CALN1: variants seen among roughly 807,000 people sequenced by gnomAD.
The protein encoded by CALN1 is calcium-binding protein 8.
In CALN1, 17 loss-of-function variants were observed where a neutral mutation model predicts 30.6. That is an observed-to-expected ratio of 0.56 (90% CI 0.38 to 0.83). The LOEUF (loss-of-function observed/expected upper bound fraction) is 0.83. Ranked by LOEUF, CALN1 falls within the 40% of genes least tolerant of loss-of-function variation. CALN1 has a pLI of 0.00. For synonymous variants in CALN1, 156 were observed against 131.4 expected (o/e 1.19, Z -1.28); for missense variants, 291 against 354.9 (o/e 0.82, Z 1.45).
intron 4 of CALN1, among the ~76,000 whole-genome samples, chr7:72,079,108 A>AC (rs1804946247): frequency 6.6e-6 from 1 of 152,176 alleles, no homozygotes; most frequent in African/African-American, 2.4e-5. Context: ...CTAATAGAGA[A>AC]CCAAGCTCAG....
chr7:71,810,896 C>CT (rs71092916), intron 5 of CALN1, among the ~76,000 whole-genome samples: 2,464 of 139,140 alleles, frequency 0.018, 101 homozygotes, highest in African/African-American at 0.053. Flanking sequence ...AAGCATGTAT[C>CT]TTTTTTTTTT....
At chr7:71,974,155 C>T (rs1044010032) in intron 5 of CALN1, among the ~76,000 whole-genome samples, 5 of 152,032 alleles carry the variant, frequency 3.3e-5, no homozygotes, top group Non-Finnish European at 7.4e-5. Context: ...TGGTGGTTCA[C>T]GCCTGTAATC....
At position 71,939,388 on chromosome 7, in the gene CALN1, C is replaced by A. The variant is rs144167009; in HGVS notation, c.501+84269G>T. The stretch of plus-strand genomic sequence containing the variant: ...GCCTGGGCAACATGGTGAAACCCCA[C>A]CTCTACTAAAAATACAAAAAAAAAA... On this transcript the variant is annotated intron_variant, in intron 5 of 6. Transcript: ENST00000395275. 2.6e-4 allele frequency among the ~76,000 whole-genome samples: 35 copies of A among 136,292 alleles called. No individual in the cohort carries two copies. The East Asian group carries it at 7.5e-3, about 29-fold the overall frequency. The allele number at this position is 136,292 out of a possible 152,430, so 89.4% of individuals were successfully genotyped here. A position where few individuals can be genotyped will look rare whatever the true frequency, so the allele number is the denominator to read the frequency against.
chr7:72,127,787 GTAAC>G (rs138459003), intron 3 of CALN1, among the ~76,000 whole-genome samples: 1,826 of 152,288 alleles, frequency 0.012, 33 homozygotes, highest in African/African-American at 0.041. Context: ...CAATTGAACA[GTAAC>G]TAATAACAGC....
chr7:72,024,477 C>T (rs1238478485), intron 4 of CALN1, among the ~76,000 whole-genome samples: 1 of 152,198 alleles, frequency 6.6e-6, no homozygotes, highest in Non-Finnish European at 1.5e-5. Context: ...CGGCTCACTG[C>T]AACCTCTGCC....
chr7:72,065,859 C>T (rs1803985531), intron 4 of CALN1, among the ~76,000 whole-genome samples: 1 of 152,198 alleles, frequency 6.6e-6, no homozygotes, highest in South Asian at 2.1e-4. Flanking sequence ...CACCATTGCA[C>T]TCCAGCCTGG....
chr7:72,344,669 T>C (rs1268336927), intron 2 of CALN1, among the ~76,000 whole-genome samples: 1 of 147,052 alleles, frequency 6.8e-6, no homozygotes, highest in Non-Finnish European at 1.5e-5. Flanking sequence ...TAAATATATA[T>C]TTTATTTATG....
intron 2 of CALN1, among the ~76,000 whole-genome samples, chr7:72,394,572 T>G (rs1016807866): frequency 6.6e-6 from 1 of 152,124 alleles, no homozygotes; most frequent in Non-Finnish European, 1.5e-5. Flanking sequence ...CATAGCAATG[T>G]GATCACATTC....
chr7:71,911,229 A>C (rs1450588835), intron 5 of CALN1, among the ~76,000 whole-genome samples: 1 of 152,078 alleles, frequency 6.6e-6, no homozygotes, highest in African/African-American at 2.4e-5. Context: ...TTGACAAATA[A>C]CCTGCCAAGT....
chr7:72,344,203 A>C (rs952673415), intron 2 of CALN1, among the ~76,000 whole-genome samples: 2 of 152,088 alleles, frequency 1.3e-5, no homozygotes, highest in Non-Finnish European at 2.9e-5. Context: ...TTCCCAGAGA[A>C]GGCTACAGAT....
rs571506307 is a variant in CALN1 at position 72,018,296 on chromosome 7, T to C, written c.501+5361A>G. On this transcript the variant is annotated intron_variant, in intron 5 of 6. Coordinates refer to ENST00000395275, the MANE Select transcript of CALN1 (RefSeq NM_031468.4). ...GTGCTTGACTTCTTGGCAGGTGCAA[T>C]TAACCTGCAGCATTGAGCAGGAAGC... Among the ~76,000 whole-genome samples, 15 of 152,100 alleles carry C rather than the reference T, an allele frequency of 9.9e-5. 2 individuals are homozygous for C. The South Asian group carries it at 2.7e-3, about 27-fold the overall frequency.
chr7:72,054,587 A>G (rs1803127302), intron 4 of CALN1, among the ~76,000 whole-genome samples: 1 of 149,272 alleles, frequency 6.7e-6, no homozygotes, highest in African/African-American at 2.5e-5. Flanking sequence ...GCCATGAAAA[A>G]GAATGAGATC....
At chr7:72,050,574 C>T (rs1802771426) in intron 4 of CALN1, among the ~76,000 whole-genome samples, 2 of 152,256 alleles carry the variant, frequency 1.3e-5, no homozygotes, top group African/African-American at 2.4e-5. Context: ...GGAAAACACT[C>T]TCCTGATCAA....
At chr7:72,293,370 C>T (rs1160584484) in intron 2 of CALN1, among the ~76,000 whole-genome samples, 2 of 152,146 alleles carry the variant, frequency 1.3e-5, no homozygotes, top group African/African-American at 4.8e-5. Flanking sequence ...AAAGGCTTTG[C>T]TCTGCCAAGA....
chr7:71,807,270 G>A (rs1787677488), intron 6 of CALN1, among the ~76,000 whole-genome samples: 1 of 152,168 alleles, frequency 6.6e-6, no homozygotes, highest in Non-Finnish European at 1.5e-5. Context: ...GTGAGCCACA[G>A]GATCTCAGAC....
At chr7:72,280,444 T>C (rs923296926) in intron 2 of CALN1, among the ~76,000 whole-genome samples, 4 of 152,226 alleles carry the variant, frequency 2.6e-5, no homozygotes, top group African/African-American at 9.6e-5. Context: ...CATCTTCAGC[T>C]AGTTACAAGT....
intron 2 of CALN1, among the ~76,000 whole-genome samples, chr7:72,342,837 T>C (rs1392849370): frequency 6.6e-6 from 1 of 152,026 alleles, no homozygotes; most frequent in African/African-American, 2.4e-5. Context: ...GCACTCTGAA[T>C]AGAAATAGGT....
intron 3 of CALN1, among the ~76,000 whole-genome samples, chr7:72,116,438 GA>G (rs1243987026): frequency 6.6e-6 from 1 of 152,176 alleles, no homozygotes; most frequent in African/African-American, 2.4e-5. Context: ...AGAAATCTCT[GA>G]GGAAGTATAC....
intron 5 of CALN1, among the ~76,000 whole-genome samples, chr7:71,859,186 C>G (rs1363446798): frequency 6.6e-6 from 1 of 152,126 alleles, no homozygotes; most frequent in African/African-American, 2.4e-5. Flanking sequence ...CCTCAGCCTC[C>G]CAAGTAGCTG....
Sources: allele counts gnomAD v4.1 joint callset (sites outside exome capture counted in the v4.1 genomes callset), GRCh38; gene constraint gnomAD v4.1.1; transcripts MANE v1.5; gene names NCBI Gene and HGNC (gene_info 2026-07-23, HGNC 2026-07-21).